NKAIN3: variants seen among roughly 807,000 people sequenced by gnomAD.
NKAIN3 encodes the protein sodium/potassium transporting ATPase interacting 3, also known as sodium/potassium-transporting ATPase subunit beta-1-interacting protein 3.
A neutral mutation model predicts 30.2 loss-of-function variants in NKAIN3; 25 were observed. The observed-to-expected ratio is 0.83, with a 90% CI of 0.60 to 1.16. NKAIN3 has a LOEUF of 1.16. NKAIN3 is among the 50% of genes most tolerant of loss of function. NKAIN3 has a pLI of 0.00. For synonymous variants in NKAIN3, 91 were observed against 89.6 expected (o/e 1.02, Z -0.09); for missense variants, 225 against 254.1 (o/e 0.89, Z 0.78).
At chr8:62,999,050 A>AC (rs765349516) in intron 5 of NKAIN3, among the ~76,000 whole-genome samples, 12 of 152,032 alleles carry the variant, frequency 7.9e-5, no homozygotes, top group Non-Finnish European at 5.9e-5. Context: ...CCCTTTGCTC[A>AC]TTTTTTAATT....
At chr8:62,941,268 T>C (rs1362692542) in intron 5 of NKAIN3, among the ~76,000 whole-genome samples, 1 of 151,830 alleles carries the variant, frequency 6.6e-6, no homozygotes, top group South Asian at 2.1e-4. Context: ...TTTTAAAAAA[T>C]TACCAATAGA....
intron 1 of NKAIN3, among the ~76,000 whole-genome samples, chr8:62,404,787 T>TA (rs1446575538): frequency 6.6e-6 from 1 of 151,104 alleles, no homozygotes; most frequent in Non-Finnish European, 1.5e-5. Context: ...TAAGACAAAA[T>TA]ACTGTGTACT....
rs77848019 is a variant in NKAIN3, at chr8:62,934,842, C to T, written c.532+16329C>T. On this transcript the variant is annotated intron_variant, in intron 5 of 6. Transcript: ENST00000623646. ...ATGGTTTGTGCTACTGGGGAAAAAA[C>T]GGGGTAGAAAATGAAAGCAATGCCA... Among the ~76,000 whole-genome samples, 6 of 152,038 alleles carry T rather than the reference C, an allele frequency of 3.9e-5. No homozygotes were observed. The East Asian group carries it at 9.7e-4, about 24-fold the overall frequency.
chr8:62,719,759 T>TTTG (rs1563530687), intron 3 of NKAIN3, among the ~76,000 whole-genome samples: 1 of 143,738 alleles, frequency 7.0e-6, no homozygotes, highest in African/African-American at 2.6e-5. Context: ...CTTTCTTTTT[T>TTTG]TTTTTTTTTT....
chr8:62,404,594 C>T (rs989163157), intron 1 of NKAIN3, among the ~76,000 whole-genome samples: 4 of 152,124 alleles, frequency 2.6e-5, no homozygotes, highest in Admixed American at 6.5e-5. Flanking sequence ...GGAAAGGACA[C>T]GTTTGCTTCT....
At chr8:62,846,467 G>T (rs752302506) in intron 4 of NKAIN3, among the ~76,000 whole-genome samples, 1 of 152,032 alleles carries the variant, frequency 6.6e-6, no homozygotes, top group Non-Finnish European at 1.5e-5. Flanking sequence ...TCTTCCTGAT[G>T]TTCTCCTTCC....
At chr8:62,799,131 GA>G (rs1212406862) in intron 4 of NKAIN3, among the ~76,000 whole-genome samples, 1 of 151,824 alleles carries the variant, frequency 6.6e-6, no homozygotes, top group Non-Finnish European at 1.5e-5. Context: ...ATTGTATGTG[GA>G]GATCTAGAGA....
intron 3 of NKAIN3, among the ~76,000 whole-genome samples, chr8:62,712,847 TG>T (rs1407619086): frequency 6.6e-6 from 1 of 152,220 alleles, no homozygotes; most frequent in Non-Finnish European, 1.5e-5. Context: ...GACAGATCCC[TG>T]TGGTGCCAGG....
At chr8:62,637,050 TA>T (rs1206657749) in intron 3 of NKAIN3, among the ~76,000 whole-genome samples, 1 of 152,286 alleles carries the variant, frequency 6.6e-6, no homozygotes, top group Middle Eastern at 3.4e-3. Flanking sequence ...GGGAATCCAT[TA>T]TTTTTTTGGA....
chr8:62,711,375 T>G (rs751246669), intron 3 of NKAIN3, among the ~76,000 whole-genome samples: 10 of 152,162 alleles, frequency 6.6e-5, no homozygotes, highest in Non-Finnish European at 1.0e-4. Context: ...ACACCGATTA[T>G]TCTTAGGTTT....
intron 4 of NKAIN3, among the ~76,000 whole-genome samples, chr8:62,900,718 T>A (rs1821588775): frequency 6.6e-6 from 1 of 150,942 alleles, no homozygotes; most frequent in Non-Finnish European, 1.5e-5. Flanking sequence ...ATTGGTGAAG[T>A]AGTATGATTA....
chr8:62,692,030 A>G lies in NKAIN3; in HGVS notation c.274-54902A>G, dbSNP rs976487412. Among the ~76,000 whole-genome samples, 8 of 152,072 alleles carry G rather than the reference A, an allele frequency of 5.3e-5. No individual in the cohort carries two copies. The East Asian group carries it at 7.7e-4, about 15-fold the overall frequency. On this transcript the variant is annotated intron_variant, in intron 3 of 6. Coordinates refer to ENST00000623646, the MANE Select transcript of NKAIN3 (RefSeq NM_001304533.3). ...CACTGCTGTTAGCTGGCCTATAATG[A>G]TCTTGGCTTTTCTCGGCATAATCTT...
rs527794074 is a variant in NKAIN3, at chr8:62,966,093, C to G, written c.*686C>G. The G allele has an allele frequency of 1.7e-5, 17 of 984,448 alleles. No individual in the cohort carries two copies. The African/African-American group carries it at 2.6e-4, about 15-fold the overall frequency. 61.0% of individuals were successfully genotyped at this position (984,448 alleles called of 1,614,324 possible). ...TAAAAGGATTAGTAGAACCCCTTTC[C>G]CCTTTGGAGGGAATATGGGTGTCTC... On this transcript the variant is annotated 3_prime_UTR_variant, in exon 7 of 7. Transcript: ENST00000623646.
chr8:62,329,069 G>T (rs1442895861), intron 1 of NKAIN3, among the ~76,000 whole-genome samples: 1 of 151,888 alleles, frequency 6.6e-6, no homozygotes, highest in Non-Finnish European at 1.5e-5. Flanking sequence ...AGGATCTAAA[G>T]CCTTCTGCCA....
At chr8:62,904,951 C>G (rs956401046) in intron 4 of NKAIN3, among the ~76,000 whole-genome samples, 6 of 152,076 alleles carry the variant, frequency 3.9e-5, no homozygotes, top group Non-Finnish European at 7.3e-5. Flanking sequence ...GGGCAGGACT[C>G]TCAGAGGACA....
At chr8:62,688,741 G>C (rs113636337) in intron 3 of NKAIN3, among the ~76,000 whole-genome samples, 11,125 of 116,388 alleles carry the variant, frequency 0.096, 1,277 homozygotes, top group African/African-American at 0.28. Flanking sequence ...CAGACAGACA[G>C]ACACACACAC....
At chr8:62,536,072 A>G (rs1808651105) in intron 1 of NKAIN3, among the ~76,000 whole-genome samples, 1 of 152,184 alleles carries the variant, frequency 6.6e-6, no homozygotes, top group Non-Finnish European at 1.5e-5. Context: ...AAACACACAT[A>G]TATATGTGAC....
At chr8:62,431,463 T>A (rs1300345515) in intron 1 of NKAIN3, among the ~76,000 whole-genome samples, 1 of 151,860 alleles carries the variant, frequency 6.6e-6, no homozygotes, top group Non-Finnish European at 1.5e-5. Flanking sequence ...CTGAACCCAT[T>A]TGTGCTAATT....
chr8:62,995,545 G>T (rs1473240146), intron 5 of NKAIN3, among the ~76,000 whole-genome samples: 2 of 152,110 alleles, frequency 1.3e-5, no homozygotes, highest in Non-Finnish European at 2.9e-5. Context: ...TAAAAACAAA[G>T]AAAAGCTAAA....
Sources: gnomAD v4.1 joint callset for allele counts (sites outside exome capture counted in the v4.1 genomes callset) on GRCh38, gnomAD v4.1.1 for gene constraint, MANE v1.5 for transcripts, NCBI Gene and HGNC (gene_info 2026-07-23, HGNC 2026-07-21) for gene names.